Variants in TRPV5 observed in about 807,000 individuals in gnomAD.
The protein encoded by TRPV5 is calcium transport protein 2.
TRPV5 carries 66 observed loss-of-function variants against 74.1 expected under a neutral mutation model. The observed-to-expected ratio is 0.89, with a 90% CI of 0.73 to 1.09. The LOEUF (loss-of-function observed/expected upper bound fraction) is 1.09. Ranked by LOEUF, TRPV5 falls within the 50% of genes least tolerant of loss-of-function variation. The pLI is 0.00. For missense variants in TRPV5, 936 were observed against 930.4 expected (o/e 1.01, Z -0.08); for synonymous variants, 399 against 360.7 (o/e 1.11, Z -1.20).
At chr7:142,923,442 T>C (rs1795916699) in intron 8 of TRPV5, among the ~76,000 whole-genome samples, 1 of 152,092 alleles carries the variant, frequency 6.6e-6, no homozygotes, top group African/African-American at 2.4e-5. Context: ...AAGAAGAACA[T>C]AGTCATCCCA....
At position 142,908,278 on chromosome 7, in the gene TRPV5, T is replaced by C; in HGVS notation, c.*236A>G. 3.5e-6 allele frequency: 2 copies of C among 578,814 alleles called. No individual in the cohort carries two copies. The highest frequency in any genetic ancestry group is 6.1e-6 in the Non-Finnish European group (2 of 327,992). The allele number at this position is 578,814 out of a possible 1,614,324, so 35.9% of individuals were successfully genotyped here. ...TGTCTTTAGTTGCCAACCTCCTTTT[T>C]CCTGAGATGGGTGACTTGCAAGAGC... On this transcript the variant is annotated 3_prime_UTR_variant, in exon 15 of 15. Coordinates refer to ENST00000265310, the MANE Select transcript of TRPV5 (RefSeq NM_019841.7).
rs1795776315 is a variant in TRPV5, at chr7:142,915,344, C to T, written c.1249G>A (p.Gly417Arg). 2 of 1,607,468 alleles carry T rather than the reference C, an allele frequency of 1.2e-6. No homozygotes were observed. The highest frequency in any genetic ancestry group is 1.7e-6 in the Non-Finnish European group (2 of 1,178,420). Residue 417 changes from glycine to arginine, a missense_variant, in exon 10 of 15, where the codon GGA becomes AGA. Coordinates refer to ENST00000265310, the MANE Select transcript of TRPV5 (RefSeq NM_019841.7). Reference sequence around the variant, plus strand: ...AATGGCCCCCCAAGAATCGTCTTTCCAAAATAGCGAGAGGCACCAACCCTG... The same window carrying T: ...AATGGCCCCCCAAGAATCGTCTTTCTAAAATAGCGAGAGGCACCAACCCTG... ...IFRVGASRYF[G>R]KTILGGPFHV...
chr7:142,915,404 C>CA (rs1795778393), intron 9 of TRPV5, 21 bp from the exon 10 acceptor site: 1 of 1,607,134 alleles, frequency 6.2e-7, no homozygotes, highest in African/African-American at 1.3e-5. Context: ...GACGGCAAAG[C>CA]AAAAATACAA....
At chr7:142,912,277 C>G (rs553419896) in intron 13 of TRPV5, among the ~76,000 whole-genome samples, 1 of 152,344 alleles carries the variant, frequency 6.6e-6, no homozygotes, top group Non-Finnish European at 1.5e-5. Flanking sequence ...ACAACCCCAC[C>G]TCTTGCCACT....
At chr7:142,919,011 T>G (rs1586219366) in intron 8 of TRPV5, among the ~76,000 whole-genome samples, 1 of 152,166 alleles carries the variant, frequency 6.6e-6, no homozygotes, top group Admixed American at 6.5e-5. Flanking sequence ...GGTTGCTAAG[T>G]TGGGTCTCTG....
Position 142,909,477 on chromosome 7 carries a change from C to T in TRPV5, c.1895+13G>A, listed in dbSNP as rs1795671070. 6.2e-7 allele frequency: 1 copy of T among 1,613,358 alleles called. No homozygotes were observed. Among genetic ancestry groups the T allele is most frequent in the African/African-American group, 1.3e-5 (1 of 74,932 alleles). On this transcript the variant is annotated intron_variant, in intron 14 of 14. Transcript: ENST00000265310. ...ACACATCTGCAGTTTTGCATGTGCACACCATCACTCACCGCAGGAACCAGC... is the reference window on the plus strand; with the variant it reads ...ACACATCTGCAGTTTTGCATGTGCATACCATCACTCACCGCAGGAACCAGC...
At chr7:142,919,518 A>G (rs1342498530) in intron 8 of TRPV5, among the ~76,000 whole-genome samples, 1 of 152,226 alleles carries the variant, frequency 6.6e-6, no homozygotes, top group African/African-American at 2.4e-5. Context: ...TTCCTAGATC[A>G]AGGTCACCTA....
chr7:142,924,275 T>TACAC (rs200638722), intron 8 of TRPV5, among the ~76,000 whole-genome samples: 1 of 121,430 alleles, frequency 8.2e-6, no homozygotes, highest in African/African-American at 3.4e-5. Flanking sequence ...CATATATATA[T>TACAC]ATATACATAT....
At chr7:142,930,982 G>T (rs1796081058) in intron 1 of TRPV5, among the ~76,000 whole-genome samples, 1 of 149,568 alleles carries the variant, frequency 6.7e-6, no homozygotes, top group South Asian at 2.1e-4. Flanking sequence ...TGTGAAATTT[G>T]TGAGGCACTA....
Position 142,915,196 on chromosome 7 carries a change from A to G in TRPV5, c.1286+111T>C, listed in dbSNP as rs1795773369. The G allele has an allele frequency of 7.9e-5, 120 of 1,520,748 alleles. No individual in the cohort carries two copies. The South Asian group carries it at 1.4e-3, about 17-fold the overall frequency. 94.2% of individuals were successfully genotyped at this position (1,520,748 alleles called of 1,614,324 possible). ...AGTTACACCTACAAGTCCACTGGAG[A>G]GAAGTCCTTGGAGTGAGAGTGACCT... On this transcript the variant is annotated intron_variant, in intron 10 of 14. Coordinates refer to ENST00000265310, the MANE Select transcript of TRPV5 (RefSeq NM_019841.7).
At chr7:142,925,252 A>G in intron 8 of TRPV5, 1 of 563,652 alleles carries the variant, frequency 1.8e-6, no homozygotes, top group East Asian at 2.8e-5. Context: ...CTTTTTGTAA[A>G]TTACCAAAAA....
intron 11 of TRPV5, 55 bp downstream of exon 11, chr7:142,914,824 CCT>C: frequency 1.2e-6 from 2 of 1,610,450 alleles, no homozygotes; most frequent in Non-Finnish European, 1.7e-6. Context: ...TACCTCCATC[CCT>C]CTGTCTGTGA....
intron 3 of TRPV5, 96 bp downstream of exon 3, chr7:142,929,957 TCACCC>T: frequency 6.4e-7 from 1 of 1,574,528 alleles, no homozygotes; most frequent in Non-Finnish European, 8.6e-7. Context: ...TGACCCTCCA[TCACCC>T]CACCCCAACC....
rs552693234 is a variant in TRPV5 at position 142,915,539 on chromosome 7, G to A, written c.1152C>T (p.Ile384=). ...TGCTCACCAGCTCCCCCACCAGCCTGATGATATCTTCACGTGTCTCATAGG... is the reference window on the plus strand; with the variant it reads ...TGCTCACCAGCTCCCCCACCAGCCTAATGATATCTTCACGTGTCTCATAGG... The part of the protein sequence containing the change: ...QEAYETREDI[I]RLVGELVSIV... The change falls in exon 9 of 15, where the codon ATC becomes ATT. Residue 384 remains isoleucine, a synonymous_variant. Coordinates refer to ENST00000265310, the MANE Select transcript of TRPV5 (RefSeq NM_019841.7). 5.6e-6 allele frequency: 9 copies of A among 1,614,184 alleles called. No homozygotes were observed. The African/African-American group carries it at 8.0e-5, about 14-fold the overall frequency.
chr7:142,926,186 G>A (rs1795987322), intron 7 of TRPV5, among the ~76,000 whole-genome samples: 1 of 152,174 alleles, frequency 6.6e-6, no homozygotes, highest in Non-Finnish European at 1.5e-5. Context: ...AAATGCCAAG[G>A]TAGGAAGTTT....
In TRPV5 at chr7:142,914,905, A is replaced by G; in HGVS notation, c.1428T>C (p.Gly476=). 1.2e-6 allele frequency: 2 copies of G among 1,614,126 alleles called. No homozygotes were observed. The highest frequency in any genetic ancestry group is 1.7e-6 in the Non-Finnish European group (2 of 1,180,022). The stretch of plus-strand genomic sequence containing the variant: ...CCTTCTGGATCATGATGGTGAAGGG[A>G]CCCAGCATCTGGAATCCTCGAGTGA... ...MYFTRGFQML[G]PFTIMIQKMI... is the part of the protein sequence containing the mutation. Residue 476 remains glycine (G), a synonymous_variant, in exon 11 of 15, where the codon GGT becomes GGC. Transcript: ENST00000265310.
In TRPV5 at chr7:142,914,644, G is replaced by C. The variant is rs1795760208; in HGVS notation, c.1515C>G (p.Ala505=). The stretch of plus-strand genomic sequence containing the variant: ...GAGGAGTGTATGGTGCCTTACCGGA[G>C]GCAAATCCCAAGATGACCACAGCCA... ...WLMAVVILGF[A]SAFYIIFQTE... is the part of the protein sequence containing the mutation. Residue 505 remains alanine (A), a synonymous_variant, in exon 12 of 15, where the codon GCC becomes GCG. Coordinates refer to ENST00000265310, the MANE Select transcript of TRPV5 (RefSeq NM_019841.7). 1 of 1,613,122 alleles carries C rather than the reference G, an allele frequency of 6.2e-7. No homozygotes were observed. The highest frequency in any genetic ancestry group is 8.5e-7 in the Non-Finnish European group (1 of 1,179,644).
intron 4 of TRPV5, 147 bp from the exon 5 acceptor site, chr7:142,929,267 C>A (rs1796043599): frequency 6.8e-7 from 1 of 1,471,272 alleles, no homozygotes; most frequent in South Asian, 1.3e-5. Context: ...GAGGAAGGAA[C>A]CATCAGGGGA....
intron 8 of TRPV5, among the ~76,000 whole-genome samples, chr7:142,923,398 C>T (rs1048560767): frequency 2.0e-5 from 3 of 151,952 alleles, no homozygotes; most frequent in Non-Finnish European, 4.4e-5. Context: ...GTTTAGGAGC[C>T]CCTGATCTAA....
Sources: allele counts gnomAD v4.1 joint callset (sites outside exome capture counted in the v4.1 genomes callset), GRCh38; gene constraint gnomAD v4.1.1; transcripts MANE v1.5; gene names NCBI Gene and HGNC (gene_info 2026-07-23, HGNC 2026-07-21).